The following NBEA variants were observed in gnomAD, a reference collection of about 807,000 sequenced individuals.
The protein encoded by NBEA is neurobeachin.
NBEA carries 44 observed loss-of-function variants against 343.4 expected under a neutral mutation model. That is an observed-to-expected ratio of 0.13 (90% CI 0.10 to 0.16). NBEA has a LOEUF of 0.16. NBEA is among the 10% of genes least tolerant of loss of function. NBEA has a pLI of 1.00. For missense variants in NBEA, 2,555 were observed against 3,631.3 expected (o/e 0.70, Z 7.62); for synonymous variants, 1,175 against 1,238.7 (o/e 0.95, Z 1.08).
At chr13:35,353,530 T>A (rs528090073) in intron 38 of NBEA, among the ~76,000 whole-genome samples, 1 of 152,158 alleles carries the variant, frequency 6.6e-6, no homozygotes, top group African/African-American at 2.4e-5. Flanking sequence ...ATAGGTTTTT[T>A]AAAACTTTAT....
chr13:35,391,836 A>G (rs185694212), intron 38 of NBEA, among the ~76,000 whole-genome samples: 755 of 152,274 alleles, frequency 5.0e-3, no homozygotes, highest in Middle Eastern at 0.014. Context: ...AAGTCATCAG[A>G]AAGTTATTTC....
intron 25 of NBEA, 103 bp from the exon 26 acceptor site, chr13:35,171,169 T>G (rs2070435887): frequency 2.2e-6 from 2 of 919,352 alleles, no homozygotes; most frequent in Non-Finnish European, 3.4e-6. Context: ...TAAAATATGG[T>G]AAATATACTA....
chr13:35,335,046 G>A (rs1459424805), intron 36 of NBEA, among the ~76,000 whole-genome samples: 1 of 151,844 alleles, frequency 6.6e-6, no homozygotes, highest in Non-Finnish European at 1.5e-5. Flanking sequence ...ATGAGGGATA[G>A]GGGTCTAGTT....
chr13:35,047,703 G>A (rs1407154516), intron 4 of NBEA, among the ~76,000 whole-genome samples: 2 of 151,658 alleles, frequency 1.3e-5, no homozygotes, highest in African/African-American at 4.8e-5. Context: ...GGGAAGTCCT[G>A]TATAACATGA....
chr13:34,946,213 T>C (rs1199918085), intron 1 of NBEA, among the ~76,000 whole-genome samples: 1 of 152,136 alleles, frequency 6.6e-6, no homozygotes, highest in Non-Finnish European at 1.5e-5. Context: ...AAAGTTTGGC[T>C]TCTGGAGGAA....
chr13:35,337,672 A>G (rs1165893904), intron 36 of NBEA, among the ~76,000 whole-genome samples: 1 of 152,098 alleles, frequency 6.6e-6, no homozygotes, highest in Admixed American at 6.6e-5. Context: ...TAGCAGGCAC[A>G]TGTTCTTCAC....
chr13:35,107,845 C>T (rs1174157535), intron 11 of NBEA, among the ~76,000 whole-genome samples: 1 of 152,020 alleles, frequency 6.6e-6, no homozygotes, highest in African/African-American at 2.4e-5. Flanking sequence ...GGGAAGCAAA[C>T]GTGTCCTGTG....
Position 35,124,435 on chromosome 13 carries a change from T to C in NBEA, c.2336+861T>C, listed in dbSNP as rs1230651834. Among the ~76,000 whole-genome samples the C allele has an allele frequency of 2.0e-5, 3 of 150,876 alleles. No homozygotes were observed. The East Asian group carries it at 5.9e-4, about 29-fold the overall frequency. The stretch of plus-strand genomic sequence containing the variant: ...AGGGAGACTAGATATACTATGGATA[T>C]GGATATAAGGAATAGTTCAAACAAA... On this transcript the variant is annotated intron_variant, in intron 17 of 58. Transcript: ENST00000379939.
intron 45 of NBEA, among the ~76,000 whole-genome samples, chr13:35,570,742 A>G (rs767270625): frequency 8.5e-5 from 13 of 152,368 alleles, no homozygotes; most frequent in Middle Eastern, 3.4e-3. Flanking sequence ...CAAATGAGCT[A>G]GAAACCTGAG....
intron 1 of NBEA, among the ~76,000 whole-genome samples, chr13:35,026,711 C>T (rs1319926234): frequency 6.6e-6 from 1 of 151,980 alleles, no homozygotes; most frequent in Non-Finnish European, 1.5e-5. Context: ...ATGAGCCAGA[C>T]ATAGTTTTAA....
chr13:35,390,084 T>G (rs746005597), intron 38 of NBEA, among the ~76,000 whole-genome samples: 18 of 151,558 alleles, frequency 1.2e-4, no homozygotes, highest in Non-Finnish European at 2.1e-4. Context: ...TTTTGAATAT[T>G]TACATTTTGA....
chr13:35,619,453 G>A (rs981331216), intron 48 of NBEA, among the ~76,000 whole-genome samples: 4 of 152,010 alleles, frequency 2.6e-5, no homozygotes, highest in Non-Finnish European at 4.4e-5. Context: ...AACTGCAACC[G>A]CTTGCAAAAA....
intron 36 of NBEA, among the ~76,000 whole-genome samples, chr13:35,318,544 A>G (rs892617761): frequency 6.6e-6 from 1 of 152,072 alleles, no homozygotes; most frequent in African/African-American, 2.4e-5. Context: ...TTCATCAGGG[A>G]TATTGGCCTG....
In NBEA at chr13:35,073,476, G is replaced by A. The variant is rs371566998; in HGVS notation, c.1571+2624G>A. Among the ~76,000 whole-genome samples, 108 of 151,968 alleles carry A rather than the reference G, an allele frequency of 7.1e-4. No individual in the cohort carries two copies. The East Asian group carries it at 0.011, about 16-fold the overall frequency. Reference sequence around the variant, plus strand: ...AAGCTCAAATATAAGTTACTTCTTTGCCCTCTGTGTTTCAAGCTGAAGCAT... The same window carrying A: ...AAGCTCAAATATAAGTTACTTCTTTACCCTCTGTGTTTCAAGCTGAAGCAT... On this transcript the variant is annotated intron_variant, in intron 10 of 58. Transcript: ENST00000379939.
At chr13:35,270,269 T>C (rs1229428386) in intron 34 of NBEA, among the ~76,000 whole-genome samples, 2 of 152,202 alleles carry the variant, frequency 1.3e-5, no homozygotes, top group African/African-American at 2.4e-5. Flanking sequence ...CTGCACAGTT[T>C]AGTATTTCAA....
rs149109871 is a variant in NBEA, at chr13:35,355,874, C to T, written c.6179+3551C>T. 5.0e-3 allele frequency among the ~76,000 whole-genome samples: 763 copies of T among 151,896 alleles called. 2 individuals are homozygous for T. The highest frequency in any genetic ancestry group is 8.7e-3 in the Non-Finnish European group (588 of 67,942). ...TCTGTCTAAAATTTTACTCTTCCTC[C>T]AAATATTTTATATTGCATTTCCCCA... is the stretch of plus-strand genomic sequence containing the variant. On this transcript the variant is annotated intron_variant, in intron 38 of 58. Coordinates refer to ENST00000379939, the MANE Select transcript of NBEA (RefSeq NM_001385012.1).
At chr13:35,373,944 G>A (rs1442950560) in intron 38 of NBEA, among the ~76,000 whole-genome samples, 1 of 152,018 alleles carries the variant, frequency 6.6e-6, no homozygotes, top group African/African-American at 2.4e-5. Context: ...TGTTATTCCA[G>A]AGTTAACTCT....
chr13:35,051,903 A>G (rs956782255), intron 6 of NBEA, among the ~76,000 whole-genome samples: 3 of 152,090 alleles, frequency 2.0e-5, no homozygotes, highest in South Asian at 2.1e-4. Context: ...CAGGCAAACA[A>G]TTAGAGTGAA....
intron 7 of NBEA, among the ~76,000 whole-genome samples, chr13:35,056,648 G>A (rs2063274953): frequency 1.3e-5 from 2 of 152,130 alleles, no homozygotes; most frequent in Admixed American, 1.3e-4. Context: ...TGAGTGCAAA[G>A]GCTTTGAGGC....
Sources: allele counts gnomAD v4.1 joint callset (sites outside exome capture counted in the v4.1 genomes callset), GRCh38; gene constraint gnomAD v4.1.1; transcripts MANE v1.5; gene names NCBI Gene and HGNC (gene_info 2026-07-23, HGNC 2026-07-21).